The following RGL1 variants were observed in gnomAD, a reference collection of about 807,000 sequenced individuals.
RGL1 encodes the protein ral guanine nucleotide dissociation stimulator-like 1.
A neutral mutation model predicts 95.2 loss-of-function variants in RGL1; 24 were observed. That is an observed-to-expected ratio of 0.25 (90% CI 0.18 to 0.35). RGL1 has a LOEUF of 0.35. RGL1 is among the 10% of genes least tolerant of loss of function. The probability of loss-of-function intolerance (pLI) is 1.00; values close to 1 mark genes in which losing one functional copy is unlikely to be tolerated. For synonymous variants in RGL1, 329 were observed against 344.9 expected (o/e 0.95, Z 0.51); for missense variants, 715 against 936.3 (o/e 0.76, Z 3.08).
rs56019394 is a variant in RGL1 at position 183,821,134 on chromosome 1, A to AAATAAT, written c.138+14669_138+14674dup. ...GGCGACAAGAGCGAAACTCCGTCTAAAATAATAATAATAATAATAATAATA... is the reference window on the plus strand; with the variant it reads ...GGCGACAAGAGCGAAACTCCGTCTAAAATAATAATAATAATAATAATAATAATAATA... On this transcript the variant is annotated intron_variant, in intron 2 of 17. Coordinates refer to ENST00000360851, the MANE Select transcript of RGL1 (RefSeq NM_001297671.3). Among the ~76,000 whole-genome samples the AAATAAT allele has an allele frequency of 4.1e-3, 615 of 150,650 alleles. 3 individuals are homozygous for AAATAAT. Among genetic ancestry groups the AAATAAT allele is most frequent in the Middle Eastern group, 0.01 (3 of 292 alleles).
chr1:183,683,533 C>T (rs985441093), intron 1 of RGL1, among the ~76,000 whole-genome samples: 9 of 152,194 alleles, frequency 5.9e-5, no homozygotes, highest in African/African-American at 2.2e-4. Context: ...CCAAGAGATC[C>T]ACTGTTAGTC....
chr1:183,882,827 C>G (rs1293702340), intron 5 of RGL1, among the ~76,000 whole-genome samples: 5 of 152,168 alleles, frequency 3.3e-5, no homozygotes, highest in African/African-American at 1.2e-4. Context: ...GTCTTTAATT[C>G]TACAAAGAAA....
At chr1:183,704,612 T>C (rs1654794533) in intron 1 of RGL1, among the ~76,000 whole-genome samples, 1 of 152,138 alleles carries the variant, frequency 6.6e-6, no homozygotes, top group African/African-American at 2.4e-5. Context: ...TGAACAGTGT[T>C]CACACAGGAG....
intron 1 of RGL1, among the ~76,000 whole-genome samples, chr1:183,691,143 G>T (rs962932840): frequency 1.2e-4 from 19 of 152,084 alleles, no homozygotes; most frequent in Non-Finnish European, 2.1e-4. Flanking sequence ...TTGAATGTAG[G>T]GATTTGCCTC....
At chr1:183,826,489 A>G (rs1201564861) in intron 2 of RGL1, among the ~76,000 whole-genome samples, 1 of 152,122 alleles carries the variant, frequency 6.6e-6, no homozygotes, top group Non-Finnish European at 1.5e-5. Context: ...TCCCCCTGCT[A>G]TATTCCCAAA....
chr1:183,658,876 A>G (rs1389229165), intron 1 of RGL1, among the ~76,000 whole-genome samples: 9,802 of 147,940 alleles, frequency 0.066, 697 homozygotes, highest in African/African-American at 0.18. Context: ...CCAGAGGAAC[A>G]ATCAGCAGCA....
chr1:183,898,048 C>T (rs1472386248), intron 10 of RGL1, 151 bp downstream of exon 10: 4 of 634,448 alleles, frequency 6.3e-6, no homozygotes, highest in Non-Finnish European at 1.1e-5. Flanking sequence ...TTCTCAGCAG[C>T]CCTGGGAGGT....
intron 2 of RGL1, among the ~76,000 whole-genome samples, chr1:183,840,346 T>C (rs747860803): frequency 6.6e-6 from 1 of 152,170 alleles, no homozygotes; most frequent in Non-Finnish European, 1.5e-5. Flanking sequence ...CTGGTTTCTA[T>C]GATTCACTTC....
At chr1:183,827,927 T>C (rs1399344873) in intron 2 of RGL1, among the ~76,000 whole-genome samples, 1 of 152,242 alleles carries the variant, frequency 6.6e-6, no homozygotes, top group South Asian at 2.1e-4. Flanking sequence ...GGTTACATAA[T>C]ATAATGGTCA....
intron 2 of RGL1, among the ~76,000 whole-genome samples, chr1:183,822,800 G>C (rs1201029993): frequency 6.6e-6 from 1 of 152,142 alleles, no homozygotes; most frequent in Admixed American, 6.5e-5. Flanking sequence ...TAGTAGATTT[G>C]AGGGCTTCAA....
chr1:183,839,874 T>A (rs1180766866), intron 2 of RGL1, among the ~76,000 whole-genome samples: 2 of 152,184 alleles, frequency 1.3e-5, no homozygotes, highest in African/African-American at 4.8e-5. Context: ...AACTCTCCTA[T>A]AACAAAAGAC....
intron 1 of RGL1, among the ~76,000 whole-genome samples, chr1:183,739,325 G>T (rs1657141243): frequency 6.6e-6 from 1 of 152,248 alleles, no homozygotes; most frequent in South Asian, 2.1e-4. Flanking sequence ...ATGGAGGAAG[G>T]AGCATGAGAA....
chr1:183,926,273 A>G lies in RGL1; in HGVS notation c.2288A>G (p.His763Arg). 5 of 1,611,902 alleles carry G rather than the reference A, an allele frequency of 3.1e-6. No homozygotes were observed. Among genetic ancestry groups the G allele is most frequent in the Non-Finnish European group, 4.2e-6 (5 of 1,178,900 alleles). ...TAKRGCWSNR[H>R]SKITL is the part of the protein sequence containing the mutation. ...AAACGGGGCTGCTGGAGTAACAGAC[A>G]CAGCAAAATCACCCTCTGAAGGGAG... Residue 763 changes from histidine to arginine, a missense_variant, in exon 18 of 18, where the codon CAC becomes CGC. His to Arg is a conservative substitution (Grantham distance 29). Transcript: ENST00000360851.
chr1:183,717,633 T>G (rs996188807), intron 1 of RGL1, among the ~76,000 whole-genome samples: 6 of 152,150 alleles, frequency 3.9e-5, no homozygotes, highest in Non-Finnish European at 7.4e-5. Context: ...ATAGCAAAGG[T>G]GAAACAGAAA....
intron 2 of RGL1, among the ~76,000 whole-genome samples, chr1:183,757,698 C>G (rs540284448): frequency 6.6e-6 from 1 of 152,238 alleles, no homozygotes; most frequent in Admixed American, 6.5e-5. Flanking sequence ...AGGAACTGCA[C>G]TTGGTGCTTT....
intron 1 of RGL1, among the ~76,000 whole-genome samples, chr1:183,699,857 G>T (rs1654477253): frequency 6.6e-6 from 1 of 152,032 alleles, no homozygotes; most frequent in South Asian, 2.1e-4. Context: ...TTGAAGTCTG[G>T]GTTCTACAAT....
chr1:183,679,457 A>G (rs1408147805), intron 1 of RGL1, among the ~76,000 whole-genome samples: 2 of 147,816 alleles, frequency 1.4e-5, no homozygotes, highest in African/African-American at 2.6e-5. Flanking sequence ...TCATTGTTCA[A>G]CTGTCACTTA....
At chr1:183,648,477 T>C (rs759467847) in intron 1 of RGL1, 38 of 1,614,092 alleles carry the variant, frequency 2.4e-5, no homozygotes, top group Non-Finnish European at 3.1e-5. Context: ...AAGATAACCA[T>C]TCATTTCAAA....
chr1:183,810,185 A>G (rs1416510451), intron 2 of RGL1, among the ~76,000 whole-genome samples: 1 of 152,196 alleles, frequency 6.6e-6, no homozygotes, highest in Non-Finnish European at 1.5e-5. Context: ...ACTGTTTGGG[A>G]AGGGCTTTGG....
Sources: gnomAD v4.1 joint callset for allele counts (sites outside exome capture counted in the v4.1 genomes callset) on GRCh38, gnomAD v4.1.1 for gene constraint, MANE v1.5 for transcripts, NCBI Gene and HGNC (gene_info 2026-07-23, HGNC 2026-07-21) for gene names.